The following LRRFIP2 variants were observed in gnomAD, a reference collection of about 807,000 sequenced individuals.
LRRFIP2 encodes LRR binding FLII interacting protein 2.
Under a neutral mutation model 125.9 loss-of-function variants are expected in LRRFIP2, and 109 were observed. The observed-to-expected ratio is 0.87, with a 90% CI of 0.74 to 1.01. LRRFIP2 has a LOEUF of 1.01. Among genes scored for constraint, LRRFIP2 ranks in the 50% least tolerant of loss-of-function variants. The pLI is 0.00. For missense variants in LRRFIP2, 850 were observed against 862.3 expected, an observed-to-expected ratio of 0.99 and a Z score of 0.18; for synonymous variants, 291 against 293.1, an observed-to-expected ratio of 0.99 and a Z score of 0.07.
intron 15 of LRRFIP2, 77 bp downstream of exon 15, chr3:37,102,847 T>A: frequency 1.0e-6 from 1 of 977,524 alleles, no homozygotes; most frequent in Middle Eastern, 2.1e-4. Context: ...CCACTTTTAT[T>A]ATAAAATAGC....
intron 19 of LRRFIP2, among the ~76,000 whole-genome samples, chr3:37,082,096 T>C (rs1427845780): frequency 6.6e-6 from 1 of 152,086 alleles, no homozygotes; most frequent in Non-Finnish European, 1.5e-5. Context: ...CTTAAATACT[T>C]AGCATGAGAT....
At chr3:37,124,668 C>T (rs566045366) in intron 4 of LRRFIP2, among the ~76,000 whole-genome samples, 6 of 152,172 alleles carry the variant, frequency 3.9e-5, no homozygotes, top group Admixed American at 1.3e-4. Context: ...AGCATTTAGA[C>T]GTTTTTATTC....
At chr3:37,123,227 C>T (rs546312108) in intron 4 of LRRFIP2, among the ~76,000 whole-genome samples, 7 of 152,262 alleles carry the variant, frequency 4.6e-5, no homozygotes, top group South Asian at 4.1e-4. Flanking sequence ...CTCGCTCTGT[C>T]GCCTAGGCTG....
chr3:37,138,547 T>C (rs1196933486), intron 2 of LRRFIP2, among the ~76,000 whole-genome samples: 2 of 152,206 alleles, frequency 1.3e-5, no homozygotes, highest in African/African-American at 4.8e-5. Flanking sequence ...TTTAAGTATA[T>C]AGTAGTTCCC....
At chr3:37,106,862 T>C (rs916837382) in intron 13 of LRRFIP2, among the ~76,000 whole-genome samples, 33 of 151,832 alleles carry the variant, frequency 2.2e-4, no homozygotes, top group African/African-American at 8.0e-4. Context: ...GTGTCTATAG[T>C]AGCAAAAATA....
At chr3:37,144,152 T>C (rs1359226780) in intron 2 of LRRFIP2, among the ~76,000 whole-genome samples, 1 of 152,238 alleles carries the variant, frequency 6.6e-6, no homozygotes, top group Non-Finnish European at 1.5e-5. Context: ...CCCTCATAGC[T>C]ACATCGACTC....
chr3:37,140,148 G>A (rs981841361), intron 2 of LRRFIP2, among the ~76,000 whole-genome samples: 1 of 152,018 alleles, frequency 6.6e-6, no homozygotes, highest in Non-Finnish European at 1.5e-5. Flanking sequence ...TCCTTCATAA[G>A]CACATTTTTC....
At position 37,129,161 on chromosome 3, in the gene LRRFIP2, T is replaced by C. The variant is rs2095360586; in HGVS notation, c.91-12A>G. 2 of 1,612,498 alleles carry C rather than the reference T, an allele frequency of 1.2e-6. No homozygotes were observed. Among genetic ancestry groups the C allele is most frequent in the East Asian group, 2.2e-5 (1 of 44,868 alleles). ...AGCCTTGCCTCTGCCTGAAAAGTAA[T>C]ATAAAACTCAGCTTTATACAACAAA... On this transcript the variant is annotated splice_polypyrimidine_tract_variant and intron_variant, in intron 2 of 27. Coordinates refer to ENST00000336686, the MANE Select transcript of LRRFIP2 (RefSeq NM_006309.4).
chr3:37,111,175 C>T (rs1240548962), intron 8 of LRRFIP2, 110 bp from the exon 9 acceptor site: 3 of 673,006 alleles, frequency 4.5e-6, no homozygotes, highest in South Asian at 1.9e-5. Context: ...TTGCCAAATC[C>T]CTTCTTCTCC....
At chr3:37,096,739 G>A in intron 15 of LRRFIP2, 79 bp from the exon 16 acceptor site, 1 of 719,154 alleles carries the variant, frequency 1.4e-6, no homozygotes, top group Non-Finnish European at 2.4e-6. Flanking sequence ...GTGATCTTGA[G>A]TTTTCCAAGT....
intron 18 of LRRFIP2, among the ~76,000 whole-genome samples, chr3:37,089,426 A>G (rs572252266): frequency 6.6e-6 from 1 of 152,182 alleles, no homozygotes; most frequent in Non-Finnish European, 1.5e-5. Flanking sequence ...GGCAAACATA[A>G]TAACAGTAAT....
intron 14 of LRRFIP2, 132 bp from the exon 15 acceptor site, chr3:37,103,145 G>C (rs2094157860): frequency 1.7e-6 from 1 of 586,524 alleles, no homozygotes; most frequent in Admixed American, 3.5e-5. Flanking sequence ...AATAAAATGA[G>C]GAAACTGCTG....
At chr3:37,078,726 T>C (rs1202847157) in intron 19 of LRRFIP2, among the ~76,000 whole-genome samples, 1 of 152,118 alleles carries the variant, frequency 6.6e-6, no homozygotes, top group African/African-American at 2.4e-5. Context: ...AAAACAGAAC[T>C]AGGGCTCCTT....
Position 37,071,133 on chromosome 3 carries a change from T to C in LRRFIP2, c.1464+1657A>G, listed in dbSNP as rs2091113955. Reference sequence around the variant, plus strand: ...ATTGATTTATTCCCCAGAAGGCTTTTCTAGGTTTAGATGGAATTTTTAATA... The same window carrying C: ...ATTGATTTATTCCCCAGAAGGCTTTCCTAGGTTTAGATGGAATTTTTAATA... On this transcript the variant is annotated intron_variant, in intron 21 of 27. Coordinates refer to ENST00000336686, the MANE Select transcript of LRRFIP2 (RefSeq NM_006309.4). Among the ~76,000 whole-genome samples the C allele has an allele frequency of 2.0e-5, 3 of 152,254 alleles. No homozygotes were observed. The South Asian group carries it at 6.2e-4, about 31-fold the overall frequency.
Position 37,165,087 on chromosome 3 carries a change from T to G in LRRFIP2, c.-56+9452A>C, listed in dbSNP as rs149330655. 4.0e-3 allele frequency among the ~76,000 whole-genome samples: 610 copies of G among 151,872 alleles called. 6 individuals are homozygous for G. Among genetic ancestry groups the G allele is most frequent in the African/African-American group, 0.014 (580 of 41,382 alleles). On this transcript the variant is annotated intron_variant, in intron 1 of 27. Coordinates refer to ENST00000336686, the MANE Select transcript of LRRFIP2 (RefSeq NM_006309.4). Reference sequence around the variant, plus strand: ...CATCTCTACTAAAAATACAAAAAATTAGCCAGGCGTGGTGGTGAGCGCCTA... The same window carrying G: ...CATCTCTACTAAAAATACAAAAAATGAGCCAGGCGTGGTGGTGAGCGCCTA...
chr3:37,126,778 G>A lies in LRRFIP2; in HGVS notation c.228+852C>T, dbSNP rs1035764865. Among the ~76,000 whole-genome samples, 3 of 151,562 alleles carry A rather than the reference G, an allele frequency of 2.0e-5. No individual in the cohort carries two copies. In the South Asian group the frequency reaches 6.2e-4, roughly 31 times the overall value. On this transcript the variant is annotated intron_variant, in intron 4 of 27. Coordinates refer to ENST00000336686, the MANE Select transcript of LRRFIP2 (RefSeq NM_006309.4). ...AGATGCTGAGGCAGGAGAATCGCTT[G>A]AACCCAGGAGACGGAGGTTGCAGTG...
intron 18 of LRRFIP2, among the ~76,000 whole-genome samples, chr3:37,088,320 T>C (rs543210190): frequency 1.3e-5 from 2 of 152,260 alleles, no homozygotes; most frequent in East Asian, 3.9e-4. Context: ...ATTACTGAAG[T>C]TAAAGCTATT....
At chr3:37,147,893 C>T (rs781595727) in intron 2 of LRRFIP2, among the ~76,000 whole-genome samples, 2 of 152,288 alleles carry the variant, frequency 1.3e-5, no homozygotes, top group East Asian at 1.9e-4. Flanking sequence ...CAATAGGTGA[C>T]GCCCCTTCCC....
intron 2 of LRRFIP2, among the ~76,000 whole-genome samples, chr3:37,142,949 G>A (rs1171351286): frequency 1.3e-5 from 2 of 152,146 alleles, no homozygotes; most frequent in East Asian, 3.9e-4. Flanking sequence ...CTGGTGGGAG[G>A]TATTTGGGTC....
Sources: allele counts gnomAD v4.1 joint callset (sites outside exome capture counted in the v4.1 genomes callset), GRCh38; gene constraint gnomAD v4.1.1; transcripts MANE v1.5; gene names NCBI Gene and HGNC (gene_info 2026-07-23, HGNC 2026-07-21).